MIA2: variants seen among roughly 807,000 people sequenced by gnomAD.
The protein encoded by MIA2 is melanoma inhibitory activity protein 2.
MIA2 carries 127 observed loss-of-function variants against 167.8 expected under a neutral mutation model. The observed-to-expected ratio is 0.76, with a 90% CI of 0.66 to 0.88. The LOEUF (loss-of-function observed/expected upper bound fraction) is 0.88. MIA2 is among the 40% of genes least tolerant of loss of function. MIA2 has a pLI of 0.00. For missense variants in MIA2, 1,690 were observed against 1,624.7 expected (o/e 1.04, Z -0.69); for synonymous variants, 552 against 541.9 (o/e 1.02, Z -0.26).
At chr14:39,332,506 T>C (rs1450507747) in intron 25 of MIA2, among the ~76,000 whole-genome samples, 1 of 152,206 alleles carries the variant, frequency 6.6e-6, no homozygotes, top group Non-Finnish European at 1.5e-5. Context: ...TGTGATCCTT[T>C]GAAAGACGAG....
chr14:39,375,514 G>A (rs10148141), intron 23 of MIA2, among the ~76,000 whole-genome samples: 28,374 of 152,054 alleles, frequency 0.19, 2,688 homozygotes, highest in Middle Eastern at 0.28. Flanking sequence ...TGGCCAACAT[G>A]GCGAAACCCT....
At chr14:39,287,963 G>T (rs1223974989) in intron 9 of MIA2, among the ~76,000 whole-genome samples, 1 of 151,942 alleles carries the variant, frequency 6.6e-6, no homozygotes, top group East Asian at 1.9e-4. Flanking sequence ...TCCCACCTTA[G>T]CCTCCCTAGA....
At chr14:39,349,451 A>G (rs1261253159) in intron 28 of MIA2, among the ~76,000 whole-genome samples, 1 of 152,312 alleles carries the variant, frequency 6.6e-6, no homozygotes, top group East Asian at 1.9e-4. Flanking sequence ...GGATTTATTG[A>G]ATTCTTTTAA....
chr14:39,243,751 A>C (rs1284150811), intron 3 of MIA2, among the ~76,000 whole-genome samples: 1 of 152,178 alleles, frequency 6.6e-6, no homozygotes, highest in Non-Finnish European at 1.5e-5. Context: ...CTGTTTTCCC[A>C]GCTACTTGGG....
At chr14:39,312,323 G>A (rs1419263204) in intron 18 of MIA2, among the ~76,000 whole-genome samples, 1 of 152,196 alleles carries the variant, frequency 6.6e-6, no homozygotes, top group Non-Finnish European at 1.5e-5. Context: ...CATGCCCGTC[G>A]CACTTTCGTG....
At chr14:39,360,499 G>T (rs56342665) in intron 23 of MIA2, among the ~76,000 whole-genome samples, 46,788 of 150,404 alleles carry the variant, frequency 0.31, 7,727 homozygotes, top group East Asian at 0.51. Context: ...GTTGTCTTTT[G>T]TTCTTTTAAC....
At chr14:39,352,847 T>C (rs1428821618), downstream of MIA2, among the ~76,000 whole-genome samples, 1 of 152,234 alleles carries the variant, frequency 6.6e-6, no homozygotes, top group East Asian at 1.9e-4. Flanking sequence ...ACATATATTT[T>C]ACCTTGGATA....
chr14:39,276,503 C>G (rs1311259441), intron 6 of MIA2: 1 of 156,508 alleles, frequency 6.4e-6, no homozygotes, highest in Non-Finnish European at 1.4e-5. Context: ...CTTTGTTGCC[C>G]AGGCTGGCTT....
At chr14:39,278,114 C>T (rs2058437238) in intron 7 of MIA2, among the ~76,000 whole-genome samples, 2 of 151,982 alleles carry the variant, frequency 1.3e-5, no homozygotes, top group Non-Finnish European at 2.9e-5. Flanking sequence ...GCTGGGACTA[C>T]AGGCGTGCAC....
intron 19 of MIA2, 109 bp from the exon 20 acceptor site, chr14:39,314,627 TTTC>T: frequency 2.0e-6 from 1 of 491,634 alleles, no homozygotes; most frequent in Non-Finnish European, 3.3e-6. Flanking sequence ...TTTTTTTTTT[TTTC>T]ATGAAGTAGA....
At chr14:39,365,254 C>T (rs553171312) in intron 23 of MIA2, among the ~76,000 whole-genome samples, 22 of 152,086 alleles carry the variant, frequency 1.4e-4, no homozygotes, top group African/African-American at 4.1e-4. Flanking sequence ...TTAGTAGAGA[C>T]GGGGTTTCAC....
At chr14:39,253,733 T>C (rs944556967) in intron 6 of MIA2, 1 of 152,096 alleles carries the variant, frequency 6.6e-6, no homozygotes, top group Non-Finnish European at 1.5e-5. Flanking sequence ...AATGGTATAA[T>C]GTTGGAGTAC....
intron 21 of MIA2, 97 bp from the exon 22 acceptor site, chr14:39,317,847 A>T (rs886993152): frequency 1.6e-5 from 12 of 739,670 alleles, no homozygotes; most frequent in Middle Eastern, 4.3e-4. Context: ...ATATATATAT[A>T]TTTTTAAGAA....
At chr14:39,329,982 A>T (rs1203476896) in intron 25 of MIA2, among the ~76,000 whole-genome samples, 1 of 152,206 alleles carries the variant, frequency 6.6e-6, no homozygotes, top group Non-Finnish European at 1.5e-5. Context: ...TGCTGACCTC[A>T]TAAAATGAGC....
intron 23 of MIA2, among the ~76,000 whole-genome samples, chr14:39,363,713 T>C (rs917879186): frequency 6.7e-4 from 102 of 152,362 alleles, no homozygotes; most frequent in African/African-American, 2.3e-3. Flanking sequence ...TACATATGTA[T>C]TTAGAATTGT....
Position 39,240,003 on chromosome 14 carries a change from G to A in MIA2, c.250-558G>A, listed in dbSNP as rs542734097. 3.3e-5 allele frequency among the ~76,000 whole-genome samples: 5 copies of A among 152,322 alleles called. No homozygotes were observed. The East Asian group carries it at 9.6e-4, about 29-fold the overall frequency. On this transcript the variant is annotated intron_variant, in intron 2 of 28. Coordinates refer to ENST00000640607, the MANE Select transcript of MIA2 (RefSeq NM_001329214.4). Reference sequence around the variant, plus strand: ...CACCCTTGGGGCACAATCTGCCTGTGCTTGAACTGGGTGAAGAGGATCTCT... The same window carrying A: ...CACCCTTGGGGCACAATCTGCCTGTACTTGAACTGGGTGAAGAGGATCTCT...
chr14:39,245,775 C>G (rs919058722), intron 3 of MIA2, among the ~76,000 whole-genome samples: 1 of 152,090 alleles, frequency 6.6e-6, no homozygotes, highest in Non-Finnish European at 1.5e-5. Context: ...ATAACAAGCC[C>G]GCTCATGTAG....
intron 25 of MIA2, among the ~76,000 whole-genome samples, chr14:39,339,278 G>T (rs1480189531): frequency 6.6e-6 from 1 of 152,162 alleles, no homozygotes; most frequent in Non-Finnish European, 1.5e-5. Context: ...CCGCAGCCCA[G>T]GGGTTAGGGA....
rs558933407 is a variant in MIA2, at chr14:39,295,166, T to C, written c.2496+137T>C. On this transcript the variant is annotated intron_variant, in intron 13 of 28. Transcript: ENST00000640607. ...TGAGAGCAGGACAGTCTCCCATACA[T>C]ATTTCAGTGTCTGTCTCTTTTGTAT... The C allele has an allele frequency of 2.1e-5, 14 of 666,322 alleles. No homozygotes were observed. The East Asian group carries it at 3.8e-4, about 18-fold the overall frequency. 41.3% of individuals were successfully genotyped at this position (666,322 alleles called of 1,614,324 possible). A position where few individuals can be genotyped will look rare whatever the true frequency, so the allele number is the denominator to read the frequency against.
Sources: gnomAD v4.1 joint callset for allele counts (sites outside exome capture counted in the v4.1 genomes callset) on GRCh38, gnomAD v4.1.1 for gene constraint, MANE v1.5 for transcripts, NCBI Gene and HGNC (gene_info 2026-07-23, HGNC 2026-07-21) for gene names.